The following SOX5 variants were observed in gnomAD, a reference collection of about 807,000 sequenced individuals.
SOX5 encodes the protein SRY-box transcription factor 5.
SOX5 carries 9 observed loss-of-function variants against 92.0 expected under a neutral mutation model. The observed-to-expected ratio is 0.10, with a 90% CI of 0.06 to 0.17. SOX5 has a LOEUF of 0.17. SOX5 is among the 10% of genes least tolerant of loss of function. The pLI is 1.00. For synonymous variants in SOX5, 344 were observed against 336.3 expected (o/e 1.02, Z -0.25); for missense variants, 642 against 944.5 (o/e 0.68, Z 4.20).
chr12:24,098,866 C>T (rs532139839), intron 4 of SOX5, among the ~76,000 whole-genome samples: 11 of 152,208 alleles, frequency 7.2e-5, no homozygotes, highest in African/African-American at 2.4e-4. Context: ...CTCAGACTGG[C>T]GCTAGCCCTG....
At chr12:23,826,950 C>A (rs965010052) in intron 3 of SOX5, among the ~76,000 whole-genome samples, 1 of 152,208 alleles carries the variant, frequency 6.6e-6, no homozygotes, top group African/African-American at 2.4e-5. Flanking sequence ...ATAATAGGAG[C>A]ACTGTCCTGC....
At chr12:24,496,436 T>A (rs1947644920) in intron 1 of SOX5, among the ~76,000 whole-genome samples, 1 of 152,148 alleles carries the variant, frequency 6.6e-6, no homozygotes, top group Non-Finnish European at 1.5e-5. Flanking sequence ...TTCCTTAGCA[T>A]CCCCAAATTA....
intron 8 of SOX5, among the ~76,000 whole-genome samples, chr12:23,611,370 G>A (rs1016862956): frequency 1.2e-4 from 9 of 78,052 alleles, no homozygotes; most frequent in African/African-American, 3.2e-4. Context: ...GTGTGTGTGC[G>A]TGTGTGTGTG....
chr12:24,165,983 G>A (rs891456044), intron 4 of SOX5, among the ~76,000 whole-genome samples: 1 of 152,080 alleles, frequency 6.6e-6, no homozygotes, highest in African/African-American at 2.4e-5. Context: ...CATACTAGAA[G>A]CAGCGATATG....
At chr12:24,180,847 A>C (rs563550155) in intron 4 of SOX5, among the ~76,000 whole-genome samples, 47 of 152,358 alleles carry the variant, frequency 3.1e-4, no homozygotes, top group African/African-American at 1.1e-3. Flanking sequence ...ACAAAGTCTA[A>C]GTAGTTAATG....
In SOX5 at chr12:23,640,884, A is replaced by G. The variant is rs755871892; in HGVS notation, c.945T>C (p.Pro315=). The G allele has an allele frequency of 6.2e-7, 1 of 1,613,048 alleles. No homozygotes were observed. The highest frequency in any genetic ancestry group is 1.1e-5 in the South Asian group (1 of 90,962). Residue 315 remains proline, a synonymous_variant, in exon 8 of 15, where the codon CCT becomes CCC. Coordinates refer to ENST00000451604, the MANE Select transcript of SOX5 (RefSeq NM_006940.6). ...CCATGGTAGTTGGGATCAGCTGAAC[A>G]GGGTAAGGGTCACCTAAGTAAGAGA... ...SYKAGCSDPY[P]VQLIPTTMAA...
chr12:24,020,466 T>C (rs1174305184), intron 4 of SOX5, among the ~76,000 whole-genome samples: 1 of 152,142 alleles, frequency 6.6e-6, no homozygotes, highest in East Asian at 1.9e-4. Flanking sequence ...CTTGAAGTAA[T>C]CTCATTCTGC....
intron 1 of SOX5, among the ~76,000 whole-genome samples, chr12:24,535,625 A>G (rs1259731894): frequency 3.3e-5 from 5 of 152,218 alleles, no homozygotes; most frequent in African/African-American, 7.2e-5. Context: ...TCTGGACACT[A>G]TATCATTATT....
chr12:23,786,845 C>T (rs2095388823), intron 3 of SOX5, among the ~76,000 whole-genome samples: 1 of 145,836 alleles, frequency 6.9e-6, no homozygotes, highest in Non-Finnish European at 1.5e-5. Context: ...AAAACAAAAA[C>T]TTAAAATTAT....
intron 4 of SOX5, among the ~76,000 whole-genome samples, chr12:24,025,763 C>G (rs1220957600): frequency 6.6e-6 from 1 of 152,020 alleles, no homozygotes; most frequent in Non-Finnish European, 1.5e-5. Flanking sequence ...ATACCAATGA[C>G]TGCAATTACT....
At chr12:23,899,417 A>T (rs1046239861) in intron 1 of SOX5, among the ~76,000 whole-genome samples, 1 of 152,084 alleles carries the variant, frequency 6.6e-6, no homozygotes, top group Admixed American at 6.6e-5. Flanking sequence ...AAGAAAAAAA[A>T]AAAAAGGCAC....
chr12:23,727,491 A>G (rs1422438961), intron 6 of SOX5, among the ~76,000 whole-genome samples: 1 of 152,154 alleles, frequency 6.6e-6, no homozygotes, highest in Non-Finnish European at 1.5e-5. Context: ...AGAAATTGGC[A>G]GTTGGGAGTA....
chr12:23,886,918 T>C (rs1397958453), intron 2 of SOX5, among the ~76,000 whole-genome samples: 1 of 152,124 alleles, frequency 6.6e-6, no homozygotes, highest in Non-Finnish European at 1.5e-5. Context: ...AAACATAATT[T>C]GGGAAACAAT....
chr12:24,330,953 G>T (rs1595658198), intron 2 of SOX5, among the ~76,000 whole-genome samples: 4 of 152,212 alleles, frequency 2.6e-5, no homozygotes, highest in Admixed American at 2.6e-4. Flanking sequence ...GACTGATGAA[G>T]CAGCCACACG....
At position 23,895,977 on chromosome 12, in the gene SOX5, T is replaced by C. The variant is rs2097173215; in HGVS notation, c.86A>G (p.Glu29Gly). 6.2e-7 allele frequency: 1 copy of C among 1,613,850 alleles called. No individual in the cohort carries two copies. Among genetic ancestry groups the C allele is most frequent in the Non-Finnish European group, 8.5e-7 (1 of 1,179,962 alleles). ...PASPYGEADG[E>G]VAMVTSRQKV... is the part of the protein sequence containing the mutation. ...CTGTCTGCTTGTCACCATGGCTACC[T>C]CTCCATCTGCTTCCCCATACGGAGA... is the stretch of plus-strand genomic sequence containing the variant. The change falls in exon 2 of 15, where the codon GAG (glutamate) becomes GGG (glycine). Residue 29 changes from glutamate (E) to glycine (G), a missense_variant. This residue lies in a region of SOX5 where 113 missense variants were observed against 117.7 expected (regional missense o/e 0.96). Transcript: ENST00000451604.
At chr12:23,569,236 T>C (rs1042003872) in intron 10 of SOX5, among the ~76,000 whole-genome samples, 1 of 152,124 alleles carries the variant, frequency 6.6e-6, no homozygotes, top group Non-Finnish European at 1.5e-5. Context: ...TCTATGTATA[T>C]TTAAAAAAAT....
chr12:24,041,751 T>C (rs541777238), intron 4 of SOX5, among the ~76,000 whole-genome samples: 252 of 152,194 alleles, frequency 1.7e-3, no homozygotes, highest in Non-Finnish European at 2.6e-3. Flanking sequence ...TAAGGAAGTC[T>C]AGATAAAAAG....
At chr12:23,778,205 A>C (rs540287975) in intron 3 of SOX5, among the ~76,000 whole-genome samples, 1 of 152,350 alleles carries the variant, frequency 6.6e-6, no homozygotes, top group Admixed American at 6.5e-5. Context: ...TAAATATTGA[A>C]TCATGACTTT....
intron 7 of SOX5, among the ~76,000 whole-genome samples, chr12:23,661,247 G>A (rs551738786): frequency 1.1e-4 from 16 of 152,004 alleles, no homozygotes; most frequent in Non-Finnish European, 2.4e-4. Flanking sequence ...TTATATTACT[G>A]GGAACTTTAT....
Sources: allele counts gnomAD v4.1 joint callset (sites outside exome capture counted in the v4.1 genomes callset), GRCh38; gene constraint gnomAD v4.1.1; regional missense constraint gnomAD v4.1.1; transcripts MANE v1.5; gene names NCBI Gene and HGNC (gene_info 2026-07-23, HGNC 2026-07-21).